The following GDAP1L1 variants were observed in gnomAD, a reference collection of about 807,000 sequenced individuals.
GDAP1L1 encodes the protein ganglioside-induced differentiation-associated protein 1-like 1.
Under a neutral mutation model 37.1 loss-of-function variants are expected in GDAP1L1, and 21 were observed. The ratio of observed to expected loss-of-function variants is 0.57; its 90% confidence interval spans 0.40 to 0.81. GDAP1L1 has a LOEUF of 0.81. Ranked by LOEUF, GDAP1L1 falls within the 40% of genes least tolerant of loss-of-function variation. The pLI, the probability that GDAP1L1 is intolerant of heterozygous loss-of-function variation, is 0.00. For missense variants in GDAP1L1, 362 were observed against 491.6 expected (o/e 0.74, Z 2.49); for synonymous variants, 193 against 209.1 (o/e 0.92, Z 0.67).
intron 1 of GDAP1L1, among the ~76,000 whole-genome samples, chr20:44,256,671 G>GA (rs58797420): frequency 0.014 from 2,115 of 148,934 alleles, 49 homozygotes; most frequent in African/African-American, 0.05. Flanking sequence ...AAAAAAAGGG[G>GA]AAAAAAAAAA....
chr20:44,258,588 C>T lies in GDAP1L1; in HGVS notation c.528C>T (p.Tyr176=), dbSNP rs370065392. Residue 176 remains tyrosine, a synonymous_variant, in exon 3 of 6, where the codon TAC becomes TAT. Transcript: ENST00000342560. ...CCACCGACTCCATGATCCCCAAGTA[C>T]GCCACGGCCGAGATCCGCAGTGAGT... ...ELTTDSMIPK[Y]ATAEIRRHLA... The T allele has an allele frequency of 2.8e-5, 45 of 1,601,356 alleles. No homozygotes were observed. The highest frequency in any genetic ancestry group is 9.0e-5 in the East Asian group (4 of 44,244).
chr20:44,249,338 G>A (rs8120380), intron 1 of GDAP1L1, among the ~76,000 whole-genome samples: 5,020 of 152,152 alleles, frequency 0.033, 289 homozygotes, highest in African/African-American at 0.11. Flanking sequence ...AGGAGCGGCC[G>A]TTATGATGTT....
At position 44,279,839 on chromosome 20, in the gene GDAP1L1, C is replaced by A; in HGVS notation, c.*539C>A. On this transcript the variant is annotated 3_prime_UTR_variant, in exon 6 of 6. Transcript: ENST00000342560. ...TCCCTGAAGATCAGAAGGGGCTTCA[C>A]GCTTCTCCTGGACATGGACTAGCTT... 2.1e-6 allele frequency: 1 copy of A among 467,988 alleles called. No homozygotes were observed. The highest frequency in any genetic ancestry group is 1.6e-5 in the South Asian group (1 of 64,098). 29.0% of individuals were successfully genotyped at this position (467,988 alleles called of 1,614,324 possible).
rs181331060 is a variant in GDAP1L1, at chr20:44,249,792, G to A, written c.180+2278G>A. ...ACCCAGGGGCCCATGGTGGATTCTA[G>A]AAGCAGTGTAGCTTGGCAGAAAGGG... On this transcript the variant is annotated intron_variant, in intron 1 of 5. Transcript: ENST00000342560. Among the ~76,000 whole-genome samples, 27 of 152,308 alleles carry A rather than the reference G, an allele frequency of 1.8e-4. No individual in the cohort carries two copies. In the East Asian group the frequency reaches 2.7e-3, roughly 15 times the overall value.
chr20:44,264,035 C>T (rs1253289146), intron 4 of GDAP1L1, among the ~76,000 whole-genome samples: 1 of 152,160 alleles, frequency 6.6e-6, no homozygotes, highest in Non-Finnish European at 1.5e-5. Flanking sequence ...AATGGCACCA[C>T]AAAGGTGATC....
In GDAP1L1 at chr20:44,280,859, A is replaced by C. The variant is rs1179592421; in HGVS notation, c.*1559A>C. ...TTCCCAGAGGGAAAAATGTATTTAA[A>C]ATGCCCAAAGAACATTAAATCAGGA... On this transcript the variant is annotated 3_prime_UTR_variant, in exon 6 of 6. Transcript: ENST00000342560. 1.3e-5 allele frequency: 2 copies of C among 152,274 alleles called. No homozygotes were observed. Among genetic ancestry groups the C allele is most frequent in the Non-Finnish European group, 1.5e-5 (1 of 68,044 alleles). 9.4% of individuals were successfully genotyped at this position (152,274 alleles called of 1,614,324 possible).
At chr20:44,255,602 G>A (rs1319034129) in intron 1 of GDAP1L1, among the ~76,000 whole-genome samples, 1 of 134,930 alleles carries the variant, frequency 7.4e-6, no homozygotes, top group African/African-American at 2.8e-5. Flanking sequence ...AAGTCATCCA[G>A]CAAATAAGTG....
At chr20:44,276,463 A>AGAAAGAAAGAAAGAAAGAAG (rs977887973) in intron 5 of GDAP1L1, among the ~76,000 whole-genome samples, 1 of 151,846 alleles carries the variant, frequency 6.6e-6, no homozygotes, top group African/African-American at 2.4e-5. Flanking sequence ...AAAGAAAGAA[A>AGAAAGAAAGAAAGAAAGAAG]GAAAAAGAAA....
rs117649618 is a variant in GDAP1L1 at position 44,263,341 on chromosome 20, G to T, written c.645+14G>T. ...AAGAAGCTCATGGTGAGTACCTCCC[G>T]GCCTGCTGAGTCCCCTTCCCTACGA... On this transcript the variant is annotated intron_variant, in intron 4 of 5. Coordinates refer to ENST00000342560, the MANE Select transcript of GDAP1L1 (RefSeq NM_024034.6). 1.0e-5 allele frequency: 16 copies of T among 1,553,764 alleles called. No individual in the cohort carries two copies. In the East Asian group the frequency reaches 3.1e-4, roughly 30 times the overall value.
At chr20:44,263,767 C>G (rs913623696) in intron 4 of GDAP1L1, among the ~76,000 whole-genome samples, 2 of 152,174 alleles carry the variant, frequency 1.3e-5, no homozygotes, top group African/African-American at 2.4e-5. Flanking sequence ...TTGCCTGAAC[C>G]TGGGAGGCGG....
chr20:44,265,192 C>T, intron 5 of GDAP1L1: 1 of 985,412 alleles, frequency 1.0e-6, no homozygotes, highest in African/African-American at 1.7e-5. Flanking sequence ...CCCAGACTCT[C>T]GTTGACCTTG....
At chr20:44,272,670 G>A (rs538904638) in intron 5 of GDAP1L1, among the ~76,000 whole-genome samples, 1 of 152,264 alleles carries the variant, frequency 6.6e-6, no homozygotes, top group South Asian at 2.1e-4. Flanking sequence ...GGAGAACAGG[G>A]AAGGGATCAG....
intron 5 of GDAP1L1, among the ~76,000 whole-genome samples, chr20:44,278,252 G>A (rs1218792993): frequency 6.6e-6 from 1 of 152,106 alleles, no homozygotes; most frequent in Non-Finnish European, 1.5e-5. Context: ...CCATTACTGA[G>A]ATGGGGATGA....
chr20:44,269,565 G>C (rs2062491097), intron 5 of GDAP1L1, among the ~76,000 whole-genome samples: 1 of 152,198 alleles, frequency 6.6e-6, no homozygotes, highest in Non-Finnish European at 1.5e-5. Context: ...GTGTGAATGG[G>C]CTTGAGAGGT....
At chr20:44,266,166 G>A (rs924005343) in intron 5 of GDAP1L1, among the ~76,000 whole-genome samples, 1 of 152,080 alleles carries the variant, frequency 6.6e-6, no homozygotes, top group African/African-American at 2.4e-5. Flanking sequence ...AAACTAGCTG[G>A]GCGGGGTGCT....
Position 44,265,293 on chromosome 20 carries a change from G to A in GDAP1L1, c.760+734G>A, listed in dbSNP as rs2073744238. ...TTGCTCCCACAGCCCCTCCCTCCTG[G>A]AGCACCCTTCCTACACCACTCCACT... On this transcript the variant is annotated intron_variant, in intron 5 of 5. Transcript: ENST00000342560. 3.0e-6 allele frequency: 3 copies of A among 984,990 alleles called. No individual in the cohort carries two copies. The South Asian group carries it at 1.4e-4, about 46-fold the overall frequency. The allele number at this position is 984,990 out of a possible 1,614,324, so 61.0% of individuals were successfully genotyped here. A position where few individuals can be genotyped will look rare whatever the true frequency, so the allele number is the denominator to read the frequency against.
At chr20:44,259,238 T>C (rs2073627837) in intron 3 of GDAP1L1, among the ~76,000 whole-genome samples, 1 of 152,204 alleles carries the variant, frequency 6.6e-6, no homozygotes, top group Admixed American at 6.5e-5. Context: ...ACCCAGTGAA[T>C]GGGTGTTGGA....
chr20:44,258,681 T>A (rs2073612944), intron 3 of GDAP1L1, 74 bp downstream of exon 3: 16 of 1,119,604 alleles, frequency 1.4e-5, no homozygotes, highest in Admixed American at 2.1e-5. Context: ...AAGGATGTCC[T>A]CCCTCTCCTG....
At chr20:44,255,390 A>G (rs1315833938) in intron 1 of GDAP1L1, among the ~76,000 whole-genome samples, 1 of 151,774 alleles carries the variant, frequency 6.6e-6, no homozygotes, top group Non-Finnish European at 1.5e-5. Context: ...AAAAATACAA[A>G]AATTAGCCAA....
Sources: gnomAD v4.1 joint callset for allele counts (sites outside exome capture counted in the v4.1 genomes callset) on GRCh38, gnomAD v4.1.1 for gene constraint, MANE v1.5 for transcripts, NCBI Gene and HGNC (gene_info 2026-07-23, HGNC 2026-07-21) for gene names.